Variants in PAN3 observed in about 807,000 individuals in gnomAD.
PAN3 encodes the protein poly(A) specific ribonuclease subunit PAN3.
Under a neutral mutation model 96.2 loss-of-function variants are expected in PAN3, and 19 were observed. The observed-to-expected ratio is 0.20, with a 90% confidence interval of 0.14 to 0.29. The LOEUF (loss-of-function observed/expected upper bound fraction) is 0.29, where lower values mean the gene tolerates loss of function less well. Ranked by LOEUF, PAN3 falls within the 10% of genes least tolerant of loss-of-function variation. The probability of loss-of-function intolerance (pLI) is 1.00; values close to 1 mark genes in which losing one functional copy is unlikely to be tolerated. For synonymous variants in PAN3, 433 were observed against 406.6 expected, an observed-to-expected ratio of 1.06 and a Z score of -0.78; for missense variants, 882 against 1,108.1, an observed-to-expected ratio of 0.80 and a Z score of 2.90.
At chr13:28,259,000 C>G (rs564865305) in intron 7 of PAN3, among the ~76,000 whole-genome samples, 1 of 152,056 alleles carries the variant, frequency 6.6e-6, no homozygotes, top group Non-Finnish European at 1.5e-5. Context: ...CATGGTTGGT[C>G]GAATCCTTGA....
chr13:28,165,607 C>T (rs1873438928), intron 1 of PAN3, among the ~76,000 whole-genome samples: 1 of 152,136 alleles, frequency 6.6e-6, no homozygotes, highest in Non-Finnish European at 1.5e-5. Context: ...AGATTCATAT[C>T]TATAATGATT....
At chr13:28,157,486 A>G (rs931369994) in intron 1 of PAN3, among the ~76,000 whole-genome samples, 1 of 152,202 alleles carries the variant, frequency 6.6e-6, no homozygotes, top group African/African-American at 2.4e-5. Flanking sequence ...GAAGCTCCTA[A>G]ATCTGACAAA....
In PAN3 at chr13:28,256,281, ATCT is replaced by A. The variant is rs758435722; in HGVS notation, c.1001-5_1001-3del. The A allele has an allele frequency of 2.9e-5, 46 of 1,605,998 alleles. No homozygotes were observed. The highest frequency in any genetic ancestry group is 6.7e-5 in the South Asian group (6 of 90,042). On this transcript the variant is annotated splice_polypyrimidine_tract_variant and splice_region_variant and intron_variant, in intron 6 of 18. Coordinates refer to ENST00000380958, the MANE Select transcript of PAN3 (RefSeq NM_175854.8). ...TTGCTCCATTAAGAAACATTTTTAC[ATCT>A]TCTTCAGGAATGTCGTTGTCTGCTG...
At chr13:28,274,117 C>T (rs1481102940) in intron 14 of PAN3, among the ~76,000 whole-genome samples, 1 of 152,154 alleles carries the variant, frequency 6.6e-6, no homozygotes, top group Non-Finnish European at 1.5e-5. Flanking sequence ...CCAAGCTGTT[C>T]TGGTTGATAG....
intron 1 of PAN3, among the ~76,000 whole-genome samples, chr13:28,154,807 GT>G (rs111375555): frequency 0.11 from 15,456 of 137,592 alleles, 1,631 homozygotes; most frequent in African/African-American, 0.29. Context: ...GACTTTGCAG[GT>G]TTTTTTTTTT....
chr13:28,144,320 C>A (rs1318151641), intron 1 of PAN3, among the ~76,000 whole-genome samples: 1 of 151,108 alleles, frequency 6.6e-6, no homozygotes, highest in Non-Finnish European at 1.5e-5. Flanking sequence ...GGGTTCACGC[C>A]ATTCCTGCCT....
chr13:28,169,386 C>T (rs572122608), intron 1 of PAN3, among the ~76,000 whole-genome samples: 57 of 151,488 alleles, frequency 3.8e-4, no homozygotes, highest in Non-Finnish European at 7.5e-4. Flanking sequence ...CCCACCACCA[C>T]GCCTGGCTAA....
chr13:28,160,190 C>T (rs943510091), intron 1 of PAN3, among the ~76,000 whole-genome samples: 6 of 152,126 alleles, frequency 3.9e-5, no homozygotes, highest in Admixed American at 2.0e-4. Context: ...GTTCCACCTG[C>T]GTCCCCCTCC....
chr13:28,269,360 T>C (rs1886424690), intron 12 of PAN3, among the ~76,000 whole-genome samples: 1 of 152,236 alleles, frequency 6.6e-6, no homozygotes, highest in South Asian at 2.1e-4. Context: ...TTTTTTCTAA[T>C]AGTTTAAAAT....
intron 1 of PAN3, among the ~76,000 whole-genome samples, chr13:28,154,534 G>A (rs766033935): frequency 2.6e-5 from 4 of 151,846 alleles, no homozygotes; most frequent in Non-Finnish European, 4.4e-5. Flanking sequence ...CACTCTTGTC[G>A]CCCAGGGTGG....
chr13:28,211,702 A>G (rs1212869991), intron 5 of PAN3, among the ~76,000 whole-genome samples: 1 of 152,208 alleles, frequency 6.6e-6, no homozygotes, highest in Non-Finnish European at 1.5e-5. Context: ...CTTCTGGCCA[A>G]GGTGAAAGAA....
intron 6 of PAN3, among the ~76,000 whole-genome samples, chr13:28,255,085 T>G (rs78947491): frequency 0.01 from 1,560 of 152,328 alleles, 25 homozygotes; most frequent in African/African-American, 0.035. Flanking sequence ...TATGAATTAT[T>G]AGAAATTGAA....
intron 1 of PAN3, among the ~76,000 whole-genome samples, chr13:28,167,082 A>AT (rs1158467405): frequency 0.13 from 15,398 of 118,040 alleles, 1,451 homozygotes; most frequent in East Asian, 0.3. Flanking sequence ...TTTTATCTTA[A>AT]TTTTTTTTTT....
At chr13:28,275,098 A>G (rs1886950864) in intron 14 of PAN3, among the ~76,000 whole-genome samples, 1 of 152,214 alleles carries the variant, frequency 6.6e-6, no homozygotes, top group East Asian at 1.9e-4. Context: ...GAAGCAAAAT[A>G]ACAAATGGAA....
intron 5 of PAN3, among the ~76,000 whole-genome samples, chr13:28,207,681 A>ATC (rs955010082): frequency 1.2e-4 from 19 of 152,332 alleles, no homozygotes; most frequent in Non-Finnish European, 2.8e-4. Context: ...ACAGCATTAG[A>ATC]TGTTTGCTCA....
intron 6 of PAN3, among the ~76,000 whole-genome samples, chr13:28,222,018 C>T (rs1881465434): frequency 6.6e-6 from 1 of 152,092 alleles, no homozygotes; most frequent in Non-Finnish European, 1.5e-5. Context: ...AAAACTTTGG[C>T]CTTAATTACA....
At position 28,256,431 on chromosome 13, in the gene PAN3, T is replaced by A. The variant is rs369859233; in HGVS notation, c.1140T>A (p.Asn380Lys). The change falls in exon 7 of 19, where the codon AAT becomes AAA. Residue 380 changes from asparagine (N) to lysine (K), a missense_variant. This residue lies in a region of PAN3 where 364 missense variants were observed against 513.6 expected (regional missense o/e 0.71). Transcript: ENST00000380958. ...MVPSSASTSV[N>K]NPVSQTPSSG... ...CTTCTAGTGCCTCTACATCTGTTAATAATCCTGTTTCTCAGACTCCGTCTT... is the reference window on the plus strand; with the variant it reads ...CTTCTAGTGCCTCTACATCTGTTAAAAATCCTGTTTCTCAGACTCCGTCTT... The A allele has an allele frequency of 3.7e-6, 6 of 1,613,984 alleles. No individual in the cohort carries two copies. Among genetic ancestry groups the A allele is most frequent in the Non-Finnish European group, 5.1e-6 (6 of 1,179,968 alleles).
At chr13:28,271,899 G>A in intron 13 of PAN3, 82 bp from the exon 14 acceptor site, 2 of 893,614 alleles carry the variant, frequency 2.2e-6, no homozygotes, top group Non-Finnish European at 3.3e-6. Flanking sequence ...CTAATATTTT[G>A]GGAAATGTTA....
At position 28,220,231 on chromosome 13, in the gene PAN3, A is replaced by G; in HGVS notation, c.853A>G (p.Thr285Ala). 2 of 1,610,376 alleles carry G rather than the reference A, an allele frequency of 1.2e-6. No individual in the cohort carries two copies. Among genetic ancestry groups the G allele is most frequent in the Non-Finnish European group, 1.7e-6 (2 of 1,178,170 alleles). ...WNRVTENNLQ[T>A]PNPTASEFIP... ...CTTACTATATTTGATTTTTAAATAG[A>G]CACCAAATCCTACTGCAAGCGAGTT... Residue 285 changes from threonine to alanine, a missense_variant and splice_region_variant, in exon 6 of 19, where the codon ACA (threonine) becomes GCA (alanine). Coordinates refer to ENST00000380958, the MANE Select transcript of PAN3 (RefSeq NM_175854.8).
Sources: gnomAD v4.1 joint callset for allele counts (sites outside exome capture counted in the v4.1 genomes callset) on GRCh38, gnomAD v4.1.1 for gene constraint, gnomAD v4.1.1 regional missense constraint, MANE v1.5 for transcripts, NCBI Gene and HGNC (gene_info 2026-07-23, HGNC 2026-07-21) for gene names.